RNF180: variants seen among roughly 807,000 people sequenced by gnomAD.
RNF180 encodes ring finger protein 180, also known as E3 ubiquitin-protein ligase RNF180.
A neutral mutation model predicts 59.2 loss-of-function variants in RNF180; 38 were observed. That is an observed-to-expected ratio of 0.64 (90% CI 0.50 to 0.84). RNF180 has a LOEUF of 0.84. Among genes scored for constraint, RNF180 ranks in the 40% least tolerant of loss-of-function variants. The pLI is 0.00. For synonymous variants in RNF180, 262 were observed against 240.3 expected, an observed-to-expected ratio of 1.09 and a Z score of -0.84; for missense variants, 705 against 700.9, an observed-to-expected ratio of 1.01 and a Z score of -0.07.
At chr5:64,194,837 T>G (rs964676894) in intron 1 of RNF180, among the ~76,000 whole-genome samples, 5 of 152,212 alleles carry the variant, frequency 3.3e-5, no homozygotes, top group African/African-American at 9.6e-5. Flanking sequence ...TCGCCCACTT[T>G]TTGATGGGGT....
intron 5 of RNF180, among the ~76,000 whole-genome samples, chr5:64,254,677 T>G (rs1453632014): frequency 6.6e-6 from 1 of 152,172 alleles, no homozygotes; most frequent in East Asian, 1.9e-4. Flanking sequence ...TCTTTTTATT[T>G]GGATATTGTG....
chr5:64,271,568 T>C (rs1440364370), intron 5 of RNF180, among the ~76,000 whole-genome samples: 1 of 152,088 alleles, frequency 6.6e-6, no homozygotes, highest in Admixed American at 6.6e-5. Context: ...GAACACTCTA[T>C]GGCTTTCACA....
At chr5:64,269,020 G>A (rs769898655) in intron 5 of RNF180, among the ~76,000 whole-genome samples, 10 of 152,048 alleles carry the variant, frequency 6.6e-5, no homozygotes, top group Non-Finnish European at 1.2e-4. Context: ...TAGTTCCCAT[G>A]TCCATACCCT....
intron 5 of RNF180, among the ~76,000 whole-genome samples, chr5:64,219,181 A>G (rs910859583): frequency 6.6e-6 from 1 of 151,590 alleles, no homozygotes; most frequent in Non-Finnish European, 1.5e-5. Context: ...TAGTATTCTC[A>G]TGAATGGATG....
intron 7 of RNF180, among the ~76,000 whole-genome samples, chr5:64,357,592 T>C (rs1252990170): frequency 6.6e-6 from 1 of 151,822 alleles, no homozygotes; most frequent in Non-Finnish European, 1.5e-5. Context: ...TTCATTTTAT[T>C]CTCTAAAGTC....
At chr5:64,174,358 A>G (rs915206844) in intron 1 of RNF180, among the ~76,000 whole-genome samples, 3 of 152,148 alleles carry the variant, frequency 2.0e-5, no homozygotes, top group Non-Finnish European at 4.4e-5. Flanking sequence ...GAAGTTCACT[A>G]TTAATTTTTT....
intron 4 of RNF180, among the ~76,000 whole-genome samples, chr5:64,214,828 T>C (rs1038723691): frequency 1.3e-5 from 2 of 152,222 alleles, no homozygotes; most frequent in Admixed American, 6.5e-5. Flanking sequence ...ATGTATGACA[T>C]ATTAGGATTG....
At chr5:64,211,159 C>CCTAGAGGAATATCTCAAAGGGAAAA (rs1307267701) in intron 2 of RNF180, among the ~76,000 whole-genome samples, 2 of 151,952 alleles carry the variant, frequency 1.3e-5, no homozygotes, top group Non-Finnish European at 2.9e-5. Flanking sequence ...GTATGCAGGA[C>CCTAGAGGAATATCTCAAAGGGAAAA]CTAGAGGAAT....
At chr5:64,349,839 G>T (rs894387824) in intron 7 of RNF180, among the ~76,000 whole-genome samples, 1 of 152,052 alleles carries the variant, frequency 6.6e-6, no homozygotes, top group Non-Finnish European at 1.5e-5. Flanking sequence ...GTCTATCATT[G>T]CTAGACATTA....
At chr5:64,354,783 T>TA (rs146538336) in intron 7 of RNF180, among the ~76,000 whole-genome samples, 40 of 151,558 alleles carry the variant, frequency 2.6e-4, no homozygotes, top group East Asian at 1.8e-3. Flanking sequence ...TAGTTCAACA[T>TA]AAAAAAAATC....
At chr5:64,358,821 T>C (rs1443825513) in intron 7 of RNF180, among the ~76,000 whole-genome samples, 2 of 132,230 alleles carry the variant, frequency 1.5e-5, no homozygotes, top group Non-Finnish European at 3.1e-5. Flanking sequence ...AGTGTGATAT[T>C]CCCCTTCCTG....
chr5:64,347,673 A>G (rs1745608106), intron 7 of RNF180, among the ~76,000 whole-genome samples: 1 of 152,192 alleles, frequency 6.6e-6, no homozygotes, highest in African/African-American at 2.4e-5. Context: ...TAGAGCATTC[A>G]TTAAAATAGG....
At chr5:64,178,160 C>T (rs775006729) in intron 1 of RNF180, among the ~76,000 whole-genome samples, 8 of 144,604 alleles carry the variant, frequency 5.5e-5, no homozygotes, top group East Asian at 2.1e-4. Context: ...GCTGAGATGG[C>T]GCCACTGCAC....
At chr5:64,297,133 T>C (rs1423324872) in intron 5 of RNF180, among the ~76,000 whole-genome samples, 1 of 152,112 alleles carries the variant, frequency 6.6e-6, no homozygotes, top group East Asian at 1.9e-4. Context: ...GAAAATAAAG[T>C]AATAAATTTA....
chr5:64,343,747 T>C (rs1745448188), intron 7 of RNF180, among the ~76,000 whole-genome samples: 1 of 151,680 alleles, frequency 6.6e-6, no homozygotes, highest in Non-Finnish European at 1.5e-5. Flanking sequence ...GGCTTACTGC[T>C]AACCAAGAAT....
chr5:64,317,882 G>A (rs926481123), intron 5 of RNF180, among the ~76,000 whole-genome samples: 4 of 152,100 alleles, frequency 2.6e-5, no homozygotes, highest in African/African-American at 7.2e-5. Context: ...TACCTTAAAT[G>A]TGCTCAGAAC....
chr5:64,170,055 C>A (rs943721485), intron 1 of RNF180, among the ~76,000 whole-genome samples: 2 of 152,188 alleles, frequency 1.3e-5, no homozygotes, highest in African/African-American at 4.8e-5. Context: ...CCCACATTGA[C>A]CCTTCATCCT....
intron 1 of RNF180, among the ~76,000 whole-genome samples, chr5:64,193,442 A>G (rs1237941156): frequency 1.3e-5 from 2 of 152,122 alleles, no homozygotes; most frequent in Admixed American, 1.3e-4. Context: ...TTTGTATACC[A>G]ATTGTATCTT....
intron 1 of RNF180, among the ~76,000 whole-genome samples, chr5:64,182,202 A>G (rs1021329628): frequency 6.6e-6 from 1 of 152,070 alleles, no homozygotes; most frequent in African/African-American, 2.4e-5. Context: ...TGTGTTAGCC[A>G]GGATGGTCTT....
Sources: allele counts gnomAD v4.1 joint callset (sites outside exome capture counted in the v4.1 genomes callset), GRCh38; gene constraint gnomAD v4.1.1; transcripts MANE v1.5; gene names NCBI Gene and HGNC (gene_info 2026-07-23, HGNC 2026-07-21).